The following KIF26B variants were observed in gnomAD, a reference collection of about 807,000 sequenced individuals.
KIF26B encodes the protein kinesin-like protein KIF26B.
A neutral mutation model predicts 151.2 loss-of-function variants in KIF26B; 63 were observed. That is an observed-to-expected ratio of 0.42 (90% CI 0.34 to 0.51). The LOEUF is 0.51. KIF26B is among the 20% of genes least tolerant of loss of function. KIF26B has a pLI of 0.07. For synonymous variants in KIF26B, 1,357 were observed against 1,262.1 expected, an observed-to-expected ratio of 1.08 and a Z score of -1.59; for missense variants, 2,813 against 2,913.6, an observed-to-expected ratio of 0.97 and a Z score of 0.79.
At chr1:245,526,296 G>A (rs1392890912) in intron 4 of KIF26B, among the ~76,000 whole-genome samples, 1 of 152,156 alleles carries the variant, frequency 6.6e-6, no homozygotes, top group East Asian at 1.9e-4. Context: ...CAGGAAAGGA[G>A]GGGATGTGAA....
intron 2 of KIF26B, chr1:245,216,187 G>A (rs1302931556): frequency 2.2e-5 from 3 of 133,772 alleles, no homozygotes; most frequent in East Asian, 4.2e-4. Flanking sequence ...CATTTTTATG[G>A]GAATTACTTG....
At chr1:245,253,421 GC>G (rs1670478963) in intron 2 of KIF26B, among the ~76,000 whole-genome samples, 1 of 152,046 alleles carries the variant, frequency 6.6e-6, no homozygotes, top group Non-Finnish European at 1.5e-5. Flanking sequence ...AAAATATATT[GC>G]TGGATTTGAC....
intron 9 of KIF26B, among the ~76,000 whole-genome samples, chr1:245,624,331 T>C (rs1479985444): frequency 4.6e-5 from 7 of 152,218 alleles, no homozygotes; most frequent in South Asian, 2.1e-4. Flanking sequence ...ATAGTAGATG[T>C]TTAACTTTTT....
chr1:245,258,381 G>C (rs1312481385), intron 2 of KIF26B, among the ~76,000 whole-genome samples: 1 of 152,124 alleles, frequency 6.6e-6, no homozygotes, highest in African/African-American at 2.4e-5. Context: ...TGCGGGAGGA[G>C]GCCTGGGTGC....
chr1:245,291,904 G>T (rs1402065645), intron 2 of KIF26B, among the ~76,000 whole-genome samples: 1 of 152,132 alleles, frequency 6.6e-6, no homozygotes, highest in East Asian at 1.9e-4. Context: ...GGACAGAATG[G>T]CTTCAGCTCA....
intron 3 of KIF26B, among the ~76,000 whole-genome samples, chr1:245,372,764 G>T (rs1451670822): frequency 6.6e-6 from 1 of 152,214 alleles, no homozygotes; most frequent in Admixed American, 6.5e-5. Context: ...TAGGATGTTG[G>T]TGATGTTGGT....
intron 2 of KIF26B, among the ~76,000 whole-genome samples, chr1:245,322,060 T>C (rs1018209782): frequency 8.5e-5 from 13 of 152,222 alleles, no homozygotes; most frequent in African/African-American, 1.9e-4. Flanking sequence ...AATGAGTTCA[T>C]GTTCTTTGCA....
intron 4 of KIF26B, among the ~76,000 whole-genome samples, 166 bp downstream of exon 4, chr1:245,419,911 C>A (rs1330079192): frequency 6.6e-6 from 1 of 152,204 alleles, no homozygotes; most frequent in East Asian, 1.9e-4. Flanking sequence ...CTCGGGCCAG[C>A]TAACTGTGGT....
At chr1:245,274,034 T>G (rs1343920473) in intron 2 of KIF26B, among the ~76,000 whole-genome samples, 3 of 152,188 alleles carry the variant, frequency 2.0e-5, no homozygotes, top group Admixed American at 6.6e-5. Context: ...CCTATAGATA[T>G]TTTCTTTGTG....
chr1:245,659,781 G>C (rs112159270), intron 10 of KIF26B, among the ~76,000 whole-genome samples: 3,233 of 152,012 alleles, frequency 0.021, 120 homozygotes, highest in African/African-American at 0.073. Context: ...GCTCACACCT[G>C]TAATCCCAGC....
At chr1:245,416,567 C>T (rs976429618) in intron 3 of KIF26B, among the ~76,000 whole-genome samples, 1 of 151,826 alleles carries the variant, frequency 6.6e-6, no homozygotes, top group Non-Finnish European at 1.5e-5. Context: ...TGATATGAAC[C>T]GAAGTGGAGA....
In KIF26B at chr1:245,155,358, G is replaced by A; in HGVS notation, c.-67G>A. On this transcript the variant is annotated 5_prime_UTR_variant, in exon 1 of 15. Transcript: ENST00000407071. ...CCCCCTGCAGCCGGGGGACGCTTCTGGGTTGGAGGACCTTCTGGATGTAGC... is the reference window on the plus strand; with the variant it reads ...CCCCCTGCAGCCGGGGGACGCTTCTAGGTTGGAGGACCTTCTGGATGTAGC... 7.5e-7 allele frequency: 1 copy of A among 1,340,712 alleles called. No homozygotes were observed. The allele number at this position is 1,340,712 out of a possible 1,614,324, so 83.1% of individuals were successfully genotyped here. A position where few individuals can be genotyped will look rare whatever the true frequency, so the allele number is the denominator to read the frequency against.
intron 12 of KIF26B, among the ~76,000 whole-genome samples, chr1:245,691,311 TG>T (rs1345701754): frequency 6.6e-6 from 1 of 152,228 alleles, no homozygotes; most frequent in East Asian, 1.9e-4. Context: ...CTCTCGTAAA[TG>T]CTGTCCTCTA....
chr1:245,640,027 C>T (rs2043871731), intron 9 of KIF26B, among the ~76,000 whole-genome samples: 2 of 150,138 alleles, frequency 1.3e-5, no homozygotes, highest in African/African-American at 2.4e-5. Flanking sequence ...ATTTTTCTGC[C>T]TGAATGATCC....
chr1:245,603,271 G>A (rs887631920), intron 6 of KIF26B, among the ~76,000 whole-genome samples: 6 of 152,174 alleles, frequency 3.9e-5, no homozygotes, highest in African/African-American at 1.2e-4. Flanking sequence ...CAGGGAAACC[G>A]AGGCTGACAT....
At chr1:245,272,983 T>C (rs1279152318) in intron 2 of KIF26B, among the ~76,000 whole-genome samples, 1 of 152,224 alleles carries the variant, frequency 6.6e-6, no homozygotes. Context: ...GAAACGAATG[T>C]GTATTCTGCT....
rs775148578 is a variant in KIF26B, at chr1:245,362,364, T to TAA, written c.466-4447_466-4446dup. 1.1e-3 allele frequency among the ~76,000 whole-genome samples: 93 copies of TAA among 82,570 alleles called. 1 individual carries two copies. Among genetic ancestry groups the TAA allele is most frequent in the African/African-American group, 2.9e-3 (68 of 23,214 alleles). The allele number at this position is 82,570 out of a possible 152,430, so 54.2% of individuals were successfully genotyped here. On this transcript the variant is annotated intron_variant, in intron 2 of 14. Transcript: ENST00000407071. Reference sequence around the variant, plus strand: ...CAAGATGGTGAAACCCCGTCTCTACTAAAAAAAAAAAAAAAAAAAAAAAAT... The same window carrying TAA: ...CAAGATGGTGAAACCCCGTCTCTACTAAAAAAAAAAAAAAAAAAAAAAAAAAT...
At chr1:245,428,225 T>C (rs1377701934) in intron 4 of KIF26B, among the ~76,000 whole-genome samples, 1 of 152,196 alleles carries the variant, frequency 6.6e-6, no homozygotes, top group Non-Finnish European at 1.5e-5. Flanking sequence ...CGTTGATTTC[T>C]TGGAAAAGAA....
chr1:245,155,992 A>AT (rs76669004), intron 1 of KIF26B, among the ~76,000 whole-genome samples: 59,732 of 151,408 alleles, frequency 0.39, 12,566 homozygotes, highest in African/African-American at 0.52. Flanking sequence ...GAACCTATGG[A>AT]TCCCCCCCGC....
Sources: gnomAD v4.1 joint callset for allele counts (sites outside exome capture counted in the v4.1 genomes callset) on GRCh38, gnomAD v4.1.1 for gene constraint, MANE v1.5 for transcripts, NCBI Gene and HGNC (gene_info 2026-07-23, HGNC 2026-07-21) for gene names.